Variants in CRISP1 observed in about 807,000 individuals in gnomAD.
CRISP1 encodes the protein cysteine-rich secretory protein 1.
Under a neutral mutation model 33.1 loss-of-function variants are expected in CRISP1, and 44 were observed. The ratio of observed to expected loss-of-function variants is 1.33; its 90% confidence interval spans 1.05 to 1.71. The LOEUF is 1.71. Among genes scored for constraint, CRISP1 ranks in the 40% most tolerant of loss-of-function variants. The pLI is 0.00. For synonymous variants in CRISP1, 103 were observed against 98.7 expected, an observed-to-expected ratio of 1.04 and a Z score of -0.26; for missense variants, 390 against 301.2, an observed-to-expected ratio of 1.29 and a Z score of -2.18.
chr6:49,853,772 T>C (rs1017881120), intron 2 of CRISP1, among the ~76,000 whole-genome samples: 2 of 152,134 alleles, frequency 1.3e-5, no homozygotes, highest in Non-Finnish European at 2.9e-5. Context: ...CCTTTTGCAA[T>C]ATTGAATCTT....
At chr6:49,869,066 C>T (rs571021645), upstream of CRISP1, among the ~76,000 whole-genome samples, 35 of 152,038 alleles carry the variant, frequency 2.3e-4, no homozygotes, top group South Asian at 1.5e-3. Flanking sequence ...ATAAATAATC[C>T]CAAGGCTCAA....
At chr6:49,872,813 A>G (rs531284086) in intron 1 of CRISP1, among the ~76,000 whole-genome samples, 5 of 152,120 alleles carry the variant, frequency 3.3e-5, no homozygotes, top group Non-Finnish European at 4.4e-5. Flanking sequence ...GCCTTGCAGT[A>G]TAGTTTGAAG....
At chr6:49,865,745 G>C (rs1285006414) in intron 1 of CRISP1, among the ~76,000 whole-genome samples, 1 of 152,090 alleles carries the variant, frequency 6.6e-6, no homozygotes, top group Non-Finnish European at 1.5e-5. Context: ...CTGAGGTGGG[G>C]CACAAAAGTT....
At chr6:49,841,654 C>A (rs1770993789) in intron 5 of CRISP1, among the ~76,000 whole-genome samples, 1 of 152,126 alleles carries the variant, frequency 6.6e-6, no homozygotes, top group Admixed American at 6.6e-5. Context: ...ATAATGAAGG[C>A]TGCTTGGTGG....
rs780400857 is a variant in CRISP1 at position 49,857,341 on chromosome 6, G to C, written c.60C>G (p.Ser20=). The change falls in exon 2 of 8, where the codon TCC becomes TCG. Residue 20 remains serine, a synonymous_variant. Coordinates refer to ENST00000335847, the MANE Select transcript of CRISP1 (RefSeq NM_001131.3). ...VAAACLLPML[S]MKKKSARDQF... The stretch of plus-strand genomic sequence containing the variant: ...ACATCCAACCCTCACATACTTTCAT[G>C]GACAACATAGGCAGTAAGCAAGCAG... 6.2e-7 allele frequency: 1 copy of C among 1,612,598 alleles called. No homozygotes were observed. Among genetic ancestry groups the C allele is most frequent in the South Asian group, 1.1e-5 (1 of 91,030 alleles).
At chr6:49,846,729 A>G (rs769376755) in intron 4 of CRISP1, 61 bp from the exon 5 acceptor site, 8 of 1,500,848 alleles carry the variant, frequency 5.3e-6, no homozygotes, top group Non-Finnish European at 7.3e-6. Flanking sequence ...ATACAAGGAG[A>G]CTTTCCTCAT....
intron 2 of CRISP1, among the ~76,000 whole-genome samples, chr6:49,854,682 A>G (rs772736676): frequency 6.6e-6 from 1 of 152,204 alleles, no homozygotes; most frequent in Admixed American, 6.5e-5. Flanking sequence ...CAGTTGCCCA[A>G]GTAATAGAGC....
rs1047994915 is a variant in CRISP1, at chr6:49,871,738, T to C, written c.-3+5271A>G. Among the ~76,000 whole-genome samples, 23 of 152,156 alleles carry C rather than the reference T, an allele frequency of 1.5e-4. No individual in the cohort carries two copies. In the South Asian group the frequency reaches 3.1e-3, roughly 21 times the overall value. ...TACAAAGGACATGAACTTATCATTT[T>C]TTATAGCTGCATAGTATTCCATGGT... is the stretch of plus-strand genomic sequence containing the variant. On this transcript the variant is annotated intron_variant, in intron 1 of 7. Coordinates refer to the CRISP1 transcript ENST00000505118.
chr6:49,848,235 C>T lies in CRISP1; in HGVS notation c.260G>A (p.Ser87Asn). ...TGGAAGTCTCCTCTCAAGGGGGTTG[C>T]TCTCTGTCATATCACAATACTTTGA... is the stretch of plus-strand genomic sequence containing the variant. ...IFSKYCDMTESNPLERRLPNT... is the reference protein window; with the variant it reads ...IFSKYCDMTENNPLERRLPNT... The change falls in exon 4 of 8, where the codon AGC becomes AAC. Residue 87 changes from serine (S) to asparagine (N), a missense_variant. Transcript: ENST00000335847. 2 of 1,601,282 alleles carry T rather than the reference C, an allele frequency of 1.2e-6. No individual in the cohort carries two copies. The highest frequency in any genetic ancestry group is 1.7e-6 in the Non-Finnish European group (2 of 1,174,840).
At chr6:49,863,729 C>G (rs1303985163) in intron 1 of CRISP1, among the ~76,000 whole-genome samples, 1 of 152,214 alleles carries the variant, frequency 6.6e-6, no homozygotes, top group South Asian at 2.1e-4. Flanking sequence ...GGAATGCACT[C>G]TCATAGAATC....
intron 1 of CRISP1, among the ~76,000 whole-genome samples, chr6:49,862,567 G>A (rs548252441): frequency 4.6e-5 from 7 of 152,010 alleles, no homozygotes; most frequent in Non-Finnish European, 8.8e-5. Flanking sequence ...AGTATTAAAA[G>A]CATCCAGAAG....
chr6:49,846,797 A>C (rs1771188892), intron 4 of CRISP1, 129 bp from the exon 5 acceptor site: 2 of 866,338 alleles, frequency 2.3e-6, no homozygotes, highest in Non-Finnish European at 3.4e-6. Flanking sequence ...GAGGGAGTAA[A>C]ATAAGTTGTA....
chr6:49,860,794 TA>T (rs1771626309), intron 1 of CRISP1, among the ~76,000 whole-genome samples: 1 of 151,884 alleles, frequency 6.6e-6, no homozygotes, highest in Non-Finnish European at 1.5e-5. Flanking sequence ...ATAGAGACTT[TA>T]AAAAATATAC....
intron 1 of CRISP1, among the ~76,000 whole-genome samples, chr6:49,873,766 GT>G (rs145975559): frequency 3.3e-5 from 5 of 151,806 alleles, no homozygotes; most frequent in African/African-American, 9.7e-5. Flanking sequence ...AATATTTAAA[GT>G]TTTTTAAAGC....
intron 1 of CRISP1, among the ~76,000 whole-genome samples, chr6:49,865,712 G>A (rs531133107): frequency 2.0e-5 from 3 of 152,208 alleles, no homozygotes; most frequent in African/African-American, 7.2e-5. Flanking sequence ...AGCAGGAAGG[G>A]CCCAAAGGGA....
At position 49,846,660 on chromosome 6, in the gene CRISP1, A is replaced by C. The variant is rs531070604; in HGVS notation, c.295T>G (p.Cys99Gly). The C allele has an allele frequency of 2.5e-6, 4 of 1,613,116 alleles. No individual in the cohort carries two copies. Among genetic ancestry groups the C allele is most frequent in the African/African-American group, 2.7e-5 (2 of 74,882 alleles). ...PLERRLPNTFCGENMHMTSYP... is the reference protein window; with the variant it reads ...PLERRLPNTFGGENMHMTSYP... ...GATGTCATATGCATATTTTCTCCAC[A>C]AAAGGTATCTGAAATGAGAAAACGG... The change falls in exon 5 of 8, where the codon TGT becomes GGT. Residue 99 changes from cysteine (C) to glycine (G), a missense_variant. Cys to Gly is a radical substitution (Grantham distance 159). Transcript: ENST00000335847.
rs553692239 is a variant in CRISP1 at position 49,836,142 on chromosome 6, T to C, written c.623-699A>G. 2.6e-5 allele frequency among the ~76,000 whole-genome samples: 4 copies of C among 152,294 alleles called. 1 individual carries two copies. In the East Asian group the frequency reaches 7.7e-4, roughly 29 times the overall value. On this transcript the variant is annotated intron_variant, in intron 7 of 7. Coordinates refer to ENST00000335847, the MANE Select transcript of CRISP1 (RefSeq NM_001131.3). ...ACTAACCAATGTATCTATTTGTCTC[T>C]ATATAAAGGCAAAAATAACAATAAT... is the stretch of plus-strand genomic sequence containing the variant.
intron 1 of CRISP1, among the ~76,000 whole-genome samples, chr6:49,861,281 A>T (rs181671853): frequency 6.6e-6 from 1 of 152,286 alleles, no homozygotes; most frequent in East Asian, 1.9e-4. Context: ...CCAGACAAGG[A>T]TGCAACAAAG....
At chr6:49,840,756 A>G in intron 6 of CRISP1, 142 bp downstream of exon 6, 1 of 580,656 alleles carries the variant, frequency 1.7e-6, no homozygotes, top group Admixed American at 2.9e-5. Context: ...TTCATCTTTG[A>G]AGGACATCTG....
Sources: allele counts gnomAD v4.1 joint callset (sites outside exome capture counted in the v4.1 genomes callset), GRCh38; gene constraint gnomAD v4.1.1; transcripts MANE v1.5; gene names NCBI Gene and HGNC (gene_info 2026-07-23, HGNC 2026-07-21).